The following NHS variants were observed in gnomAD, a reference collection of about 807,000 sequenced individuals.
NHS encodes actin remodeling regulator NHS.
NHS carries 5 observed loss-of-function variants against 72.5 expected under a neutral mutation model. The ratio of observed to expected loss-of-function variants is 0.07; its 90% CI spans 0.04 to 0.14. The LOEUF is 0.14. Among genes scored for constraint, NHS ranks in the 10% least tolerant of loss-of-function variants. The probability of loss-of-function intolerance (pLI) is 1.00; values close to 1 mark genes in which losing one functional copy is unlikely to be tolerated. For missense variants in NHS, 1,072 were observed against 1,355.7 expected, an observed-to-expected ratio of 0.79 and a Z score of 3.29; for synonymous variants, 464 against 547.7, an observed-to-expected ratio of 0.85 and a Z score of 2.13.
At chrX:17,612,007 C>A (rs2065713833) in intron 1 of NHS, among the ~76,000 whole-genome samples, 1 of 105,798 alleles carries the variant, frequency 9.5e-6, no homozygotes, top group Non-Finnish European at 1.9e-5. Context: ...TGCACCTCAC[C>A]CCCCTCCACA....
intron 1 of NHS, among the ~76,000 whole-genome samples, chrX:17,458,510 C>T (rs186228563): frequency 3.7e-4 from 41 of 109,451 alleles, no homozygotes; most frequent in Middle Eastern, 4.8e-3. Context: ...ATTACAGGCG[C>T]GAGAGGGAGT....
intron 1 of NHS, among the ~76,000 whole-genome samples, chrX:17,393,272 A>C (rs1489146326): frequency 2.1e-5 from 2 of 96,491 alleles, no homozygotes; most frequent in East Asian, 6.3e-4. Flanking sequence ...TCCTTGCTGT[A>C]CCTAGACTTT....
At chrX:17,386,083 C>A (rs1409235496) in intron 1 of NHS, among the ~76,000 whole-genome samples, 1 of 112,045 alleles carries the variant, frequency 8.9e-6, no homozygotes, top group Non-Finnish European at 1.9e-5. Flanking sequence ...CTCAAACAGT[C>A]CTTATCTACA....
intron 1 of NHS, among the ~76,000 whole-genome samples, chrX:17,444,270 A>T (rs1335510378): frequency 8.9e-6 from 1 of 111,863 alleles, no homozygotes; most frequent in Non-Finnish European, 1.9e-5. Flanking sequence ...GCAGCTCCTG[A>T]CAGGCTGTGG....
At chrX:17,474,316 A>G (rs1356854832) in intron 1 of NHS, among the ~76,000 whole-genome samples, 1 of 112,329 alleles carries the variant, frequency 8.9e-6, no homozygotes, top group Admixed American at 9.4e-5. Flanking sequence ...TTATATCCTG[A>G]GAGAGCTAGG....
At chrX:17,448,999 G>A (rs1234708442) in intron 1 of NHS, among the ~76,000 whole-genome samples, 3 of 112,602 alleles carry the variant, frequency 2.7e-5, no homozygotes, top group South Asian at 3.7e-4. Flanking sequence ...AGGTACTGTC[G>A]TTGTCTCCAT....
At position 17,539,968 on chromosome X, in the gene NHS, A is replaced by G. The variant is rs776434002; in HGVS notation, c.566-147774A>G. On this transcript the variant is annotated intron_variant, in intron 1 of 8. Coordinates refer to ENST00000676302, the MANE Select transcript of NHS (RefSeq NM_001291867.2). Reference sequence around the variant, plus strand: ...CCTGGATCCCTGAGTAATCATGTGGAACAGAGGCTTCCACTATCCTGCTTT... The same window carrying G: ...CCTGGATCCCTGAGTAATCATGTGGGACAGAGGCTTCCACTATCCTGCTTT... Among the ~76,000 whole-genome samples, 6 of 112,495 alleles carry G rather than the reference A, an allele frequency of 5.3e-5. No individual in the cohort carries two copies. In the South Asian group the frequency reaches 2.2e-3, roughly 42 times the overall value.
At chrX:17,636,626 C>T (rs1166551074) in intron 1 of NHS, among the ~76,000 whole-genome samples, 1 of 112,158 alleles carries the variant, frequency 8.9e-6, no homozygotes, top group Non-Finnish European at 1.9e-5. Flanking sequence ...TTTCAAGGGT[C>T]TCCTATTAGC....
intron 1 of NHS, among the ~76,000 whole-genome samples, chrX:17,626,655 C>T (rs1043185547): frequency 7.2e-5 from 8 of 111,546 alleles, no homozygotes; most frequent in Admixed American, 1.9e-4. Flanking sequence ...GTTTTCTTGC[C>T]GTTTGTCTCC....
chrX:17,621,922 A>G (rs1216533704), intron 1 of NHS, among the ~76,000 whole-genome samples: 1 of 111,592 alleles, frequency 9.0e-6, no homozygotes, highest in Non-Finnish European at 1.9e-5. Context: ...AACATTTTCT[A>G]ATTCTAAGTT....
At chrX:17,612,291 G>A (rs551290816) in intron 1 of NHS, among the ~76,000 whole-genome samples, 30 of 109,161 alleles carry the variant, frequency 2.7e-4, no homozygotes, top group Non-Finnish European at 4.4e-4. Flanking sequence ...GGCACTTTGA[G>A]CACCTCAAGT....
intron 1 of NHS, among the ~76,000 whole-genome samples, chrX:17,639,451 T>C (rs1392439375): frequency 9.0e-6 from 1 of 111,410 alleles, no homozygotes; most frequent in Non-Finnish European, 1.9e-5. Flanking sequence ...TTGCATCTGG[T>C]TGGCTTCTGG....
intron 1 of NHS, among the ~76,000 whole-genome samples, chrX:17,665,413 G>A (rs1415624962): frequency 1.1e-5 from 1 of 89,780 alleles, no homozygotes; most frequent in Non-Finnish European, 2.1e-5. Flanking sequence ...TGCAGGCTCC[G>A]CCCCCTGGGG....
intron 1 of NHS, among the ~76,000 whole-genome samples, chrX:17,483,104 C>T (rs373143010): frequency 8.9e-6 from 1 of 112,069 alleles, no homozygotes; most frequent in Non-Finnish European, 1.9e-5. Flanking sequence ...TTTAGTATCA[C>T]TCCAGGGATT....
rs376775602 is a variant in NHS at position 17,508,713 on chromosome X, G to A, written c.565+132391G>A. Among the ~76,000 whole-genome samples, 10 of 111,334 alleles carry A rather than the reference G, an allele frequency of 9.0e-5. 1 individual carries two copies. The South Asian group carries it at 1.9e-3, about 21-fold the overall frequency. On this transcript the variant is annotated intron_variant, in intron 1 of 8. Transcript: ENST00000676302. ...TTGAACTCCTGACCTCAAATTATCC[G>A]CCTGCCTCAGCCTCCCAAAGTGCTG...
intron 1 of NHS, among the ~76,000 whole-genome samples, chrX:17,420,102 A>T (rs1411988983): frequency 8.9e-6 from 1 of 111,996 alleles, no homozygotes; most frequent in East Asian, 2.8e-4. Flanking sequence ...TTAATTTTTA[A>T]AATTAGTATT....
At chrX:17,601,485 C>T (rs1460025702) in intron 1 of NHS, among the ~76,000 whole-genome samples, 3 of 111,943 alleles carry the variant, frequency 2.7e-5, no homozygotes, top group African/African-American at 9.7e-5. Flanking sequence ...TGTGGTGGAA[C>T]TGTTTATGAT....
intron 1 of NHS, among the ~76,000 whole-genome samples, chrX:17,675,122 T>C (rs1369680697): frequency 8.9e-6 from 1 of 112,228 alleles, no homozygotes; most frequent in East Asian, 2.8e-4. Flanking sequence ...TTAGCAATCA[T>C]TGCACTCAAC....
chrX:17,561,905 A>G (rs1342876886), intron 1 of NHS, among the ~76,000 whole-genome samples: 3 of 109,495 alleles, frequency 2.7e-5, no homozygotes, highest in Non-Finnish European at 5.7e-5. Context: ...ATCTTGGAGG[A>G]TGATATGAGG....
Sources: gnomAD v4.1 joint callset for allele counts (sites outside exome capture counted in the v4.1 genomes callset) on GRCh38, gnomAD v4.1.1 for gene constraint, MANE v1.5 for transcripts, NCBI Gene and HGNC (gene_info 2026-07-23, HGNC 2026-07-21) for gene names.